RAPGEF4: variants seen among roughly 807,000 people sequenced by gnomAD.
RAPGEF4 encodes RAP guanine-nucleotide-exchange factor (GEF) 4.
Under a neutral mutation model 147.9 loss-of-function variants are expected in RAPGEF4, and 66 were observed. The ratio of observed to expected loss-of-function variants is 0.45; its 90% CI spans 0.37 to 0.55. The LOEUF (loss-of-function observed/expected upper bound fraction) is 0.55, where lower values mean the gene tolerates loss of function less well. RAPGEF4 is among the 20% of genes least tolerant of loss of function. The probability of loss-of-function intolerance (pLI) is 0.00; values close to 1 mark genes in which losing one functional copy is unlikely to be tolerated. For synonymous variants in RAPGEF4, 419 were observed against 442.7 expected (o/e 0.95, Z 0.67); for missense variants, 1,071 against 1,257.3 (o/e 0.85, Z 2.24).
chr2:172,809,959 C>A (rs993200531), intron 3 of RAPGEF4, among the ~76,000 whole-genome samples: 14 of 152,170 alleles, frequency 9.2e-5, no homozygotes, highest in Non-Finnish European at 1.3e-4. Flanking sequence ...AGAAGAGGAG[C>A]AATGCCAAAT....
At chr2:172,873,939 A>G (rs549954963) in intron 4 of RAPGEF4, among the ~76,000 whole-genome samples, 74 of 152,318 alleles carry the variant, frequency 4.9e-4, no homozygotes, top group Non-Finnish European at 7.8e-4. Context: ...CAACAAACAT[A>G]TGAAAAAAAG....
chr2:172,803,562 C>A (rs1448720177), intron 3 of RAPGEF4, among the ~76,000 whole-genome samples: 1 of 150,222 alleles, frequency 6.7e-6, no homozygotes, highest in African/African-American at 2.5e-5. Context: ...GAGGGGCCAC[C>A]ATGAAGATCT....
intron 29 of RAPGEF4, among the ~76,000 whole-genome samples, chr2:173,044,928 G>A (rs1575595830): frequency 6.6e-6 from 1 of 152,278 alleles, no homozygotes; most frequent in Non-Finnish European, 1.5e-5. Context: ...ACTCCGGCCT[G>A]GCGTTATAGA....
chr2:172,743,146 A>G (rs538676235), intron 1 of RAPGEF4, among the ~76,000 whole-genome samples: 5 of 152,292 alleles, frequency 3.3e-5, no homozygotes, highest in East Asian at 3.9e-4. Flanking sequence ...ACAGTGGTCA[A>G]TGAGAGTGGG....
chr2:172,965,586 G>C lies in RAPGEF4; in HGVS notation c.723G>C (p.Leu241=). The stretch of plus-strand genomic sequence containing the variant: ...GACAATGCTGTGTGGGAACTGAACT[G>C]GTGGACTGGATGATGCAGCAGACAC... ...TYRQCCVGTE[L]VDWMMQQTPC... is the part of the protein sequence containing the mutation. The change falls in exon 9 of 31, where the codon CTG becomes CTC. Residue 241 remains leucine, a synonymous_variant. Transcript: ENST00000397081. 1 of 1,613,758 alleles carries C rather than the reference G, an allele frequency of 6.2e-7. No homozygotes were observed. Among genetic ancestry groups the C allele is most frequent in the South Asian group, 1.1e-5 (1 of 91,062 alleles).
chr2:172,841,829 TAC>T, intron 4 of RAPGEF4, among the ~76,000 whole-genome samples: 1 of 88,578 alleles, frequency 1.1e-5, no homozygotes, highest in East Asian at 5.5e-4. Flanking sequence ...ACACACACAC[TAC>T]ACACACACTA....
chr2:173,021,162 T>G (rs75774374), intron 23 of RAPGEF4, among the ~76,000 whole-genome samples: 5,982 of 152,278 alleles, frequency 0.039, 157 homozygotes, highest in South Asian at 0.08. Context: ...AATGGCAAAG[T>G]CCAGACCCTT....
rs989712671 is a variant in RAPGEF4, at chr2:172,910,349, CT to C, written c.445-7452del. Among the ~76,000 whole-genome samples the C allele has an allele frequency of 5.9e-5, 9 of 152,374 alleles. No homozygotes were observed. In the East Asian group the frequency reaches 1.5e-3, roughly 26 times the overall value. On this transcript the variant is annotated intron_variant, in intron 4 of 30. Transcript: ENST00000397081. ...GAGGGCTATAAACTCTACAGCTTCC[CT>C]GTTGAATGTGGCTCATTAACTTCCA...
intron 6 of RAPGEF4, among the ~76,000 whole-genome samples, chr2:172,956,373 C>T (rs1688729753): frequency 6.6e-6 from 1 of 152,166 alleles, no homozygotes; most frequent in South Asian, 2.1e-4. Flanking sequence ...CTCCTGGCTG[C>T]ACTGGACTGC....
At chr2:172,753,883 C>CAA (rs138027742) in intron 1 of RAPGEF4, among the ~76,000 whole-genome samples, 135 of 151,508 alleles carry the variant, frequency 8.9e-4, no homozygotes, top group Non-Finnish European at 1.7e-3. Context: ...TGTACACACA[C>CAA]ACACACACAC....
intron 3 of RAPGEF4, 47 bp from the exon 4 acceptor site, chr2:172,814,232 C>A (rs755011470): frequency 1.9e-6 from 3 of 1,580,404 alleles, no homozygotes; most frequent in African/African-American, 1.3e-5. Context: ...AAACACCTAC[C>A]CATTAGATGT....
intron 4 of RAPGEF4, chr2:172,860,147 A>G: frequency 1.0e-6 from 1 of 985,484 alleles, no homozygotes; most frequent in Non-Finnish European, 1.2e-6. Context: ...AAATCAGTCC[A>G]GCTCTCATAC....
intron 3 of RAPGEF4, among the ~76,000 whole-genome samples, chr2:172,798,399 C>T (rs531370621): frequency 3.3e-5 from 5 of 152,236 alleles, no homozygotes; most frequent in African/African-American, 1.2e-4. Context: ...ATGTACACAA[C>T]CTCACTGTTT....
chr2:172,983,126 A>G (rs1479561249), intron 10 of RAPGEF4, among the ~76,000 whole-genome samples: 1 of 152,222 alleles, frequency 6.6e-6, no homozygotes, highest in Non-Finnish European at 1.5e-5. Flanking sequence ...AATTGTTTCT[A>G]GTGGTGTTAA....
intron 1 of RAPGEF4, among the ~76,000 whole-genome samples, chr2:172,762,342 C>A (rs1696428183): frequency 6.6e-6 from 1 of 152,176 alleles, no homozygotes; most frequent in Non-Finnish European, 1.5e-5. Context: ...GAGATATAGA[C>A]TGCCCCACCC....
intron 4 of RAPGEF4, among the ~76,000 whole-genome samples, chr2:172,852,772 T>C (rs772227860): frequency 1.1e-3 from 160 of 152,290 alleles, no homozygotes; most frequent in Non-Finnish European, 1.6e-3. Flanking sequence ...TAACTGTATA[T>C]TAAAGACATA....
intron 10 of RAPGEF4, among the ~76,000 whole-genome samples, chr2:172,968,500 T>G (rs1400762246): frequency 6.6e-6 from 1 of 152,148 alleles, no homozygotes; most frequent in Non-Finnish European, 1.5e-5. Flanking sequence ...TTCTTTGACT[T>G]GCCCTTACTC....
chr2:172,894,960 A>G (rs1427412399), intron 4 of RAPGEF4, among the ~76,000 whole-genome samples: 2 of 151,924 alleles, frequency 1.3e-5, no homozygotes, highest in Non-Finnish European at 2.9e-5. Flanking sequence ...CCCAATTGAT[A>G]CTATGTGCAT....
At chr2:172,786,524 T>C (rs1194233261) in intron 1 of RAPGEF4, among the ~76,000 whole-genome samples, 1 of 152,176 alleles carries the variant, frequency 6.6e-6, no homozygotes, top group African/African-American at 2.4e-5. Flanking sequence ...ATTTAAAATG[T>C]CATAGATTTC....
Sources: allele counts gnomAD v4.1 joint callset (sites outside exome capture counted in the v4.1 genomes callset), GRCh38; gene constraint gnomAD v4.1.1; transcripts MANE v1.5; gene names NCBI Gene and HGNC (gene_info 2026-07-23, HGNC 2026-07-21).